Variants in TRAF5 observed in about 807,000 individuals in gnomAD.
TRAF5 encodes the protein TNF receptor-associated factor 5.
Under a neutral mutation model 64.5 loss-of-function variants are expected in TRAF5, and 48 were observed. The observed-to-expected ratio is 0.74, with a 90% confidence interval of 0.59 to 0.95. The LOEUF is 0.95. Among genes scored for constraint, TRAF5 ranks in the 40% least tolerant of loss-of-function variants. The probability of loss-of-function intolerance (pLI) is 0.00; values close to 1 mark genes in which losing one functional copy is unlikely to be tolerated. For synonymous variants in TRAF5, 206 were observed against 240.5 expected, an observed-to-expected ratio of 0.86 and a Z score of 1.33; for missense variants, 545 against 662.8, an observed-to-expected ratio of 0.82 and a Z score of 1.95.
At chr1:211,366,439 G>A (rs1703355286) in intron 8 of TRAF5, among the ~76,000 whole-genome samples, 1 of 152,188 alleles carries the variant, frequency 6.6e-6, no homozygotes, top group Non-Finnish European at 1.5e-5. Flanking sequence ...GGGACACTGA[G>A]CCAAGGAAGA....
chr1:211,359,791 T>G, intron 4 of TRAF5, 121 bp from the exon 5 acceptor site: 3 of 1,170,264 alleles, frequency 2.6e-6, no homozygotes, highest in Non-Finnish European at 3.7e-6. Flanking sequence ...TGCCTTGCCC[T>G]GTGCAAGCCT....
At chr1:211,337,407 A>G (rs1702331461) in intron 1 of TRAF5, among the ~76,000 whole-genome samples, 1 of 152,198 alleles carries the variant, frequency 6.6e-6, no homozygotes, top group African/African-American at 2.4e-5. Flanking sequence ...ACAAGGGGGA[A>G]GGCACTAGGA....
intron 4 of TRAF5, chr1:211,359,401 T>A (rs1310501738): frequency 6.6e-6 from 1 of 152,414 alleles, no homozygotes; most frequent in East Asian, 1.9e-4. Context: ...TCTTTTCATC[T>A]TCTTAATCCT....
At position 211,360,085 on chromosome 1, in the gene TRAF5, C is replaced by T. The variant is rs780790350; in HGVS notation, c.543+9C>T. The T allele has an allele frequency of 2.5e-6, 4 of 1,612,992 alleles. No homozygotes were observed. In the Admixed American group the frequency reaches 6.7e-5, roughly 27 times the overall value. On this transcript the variant is annotated intron_variant, in intron 5 of 10. Transcript: ENST00000261464. Reference sequence around the variant, plus strand: ...TAGTCATCAATCTACAGGTGAAAAACAACACATACAACAGTCATCTTTATG... The same window carrying T: ...TAGTCATCAATCTACAGGTGAAAAATAACACATACAACAGTCATCTTTATG...
chr1:211,349,604 G>T (rs186139968), intron 1 of TRAF5, among the ~76,000 whole-genome samples: 5 of 152,120 alleles, frequency 3.3e-5, no homozygotes, highest in Non-Finnish European at 5.9e-5. Flanking sequence ...ACGAATTTTG[G>T]GGGGGACACA....
At chr1:211,338,042 G>A (rs145638857) in intron 1 of TRAF5, among the ~76,000 whole-genome samples, 1 of 152,292 alleles carries the variant, frequency 6.6e-6, no homozygotes, top group Non-Finnish European at 1.5e-5. Flanking sequence ...ATAGAAGAGA[G>A]CAGGTCCAGC....
At chr1:211,356,537 G>A in intron 4 of TRAF5, 69 bp downstream of exon 4, 2 of 1,356,042 alleles carry the variant, frequency 1.5e-6, no homozygotes, top group Non-Finnish European at 2.1e-6. Context: ...ACCCCTTTAT[G>A]TGACAGTTAC....
chr1:211,329,496 C>T (rs1287719225), intron 1 of TRAF5, among the ~76,000 whole-genome samples: 7 of 152,212 alleles, frequency 4.6e-5, no homozygotes, highest in Admixed American at 2.0e-4. Flanking sequence ...AGCTGAGGCT[C>T]AGAAGTGATT....
chr1:211,360,999 C>T (rs1703159785), intron 6 of TRAF5, 89 bp from the exon 7 acceptor site: 3 of 1,367,808 alleles, frequency 2.2e-6, no homozygotes, highest in Non-Finnish European at 3.1e-6. Context: ...TGGTCCTTGC[C>T]TTCTTCCCAA....
intron 1 of TRAF5, among the ~76,000 whole-genome samples, chr1:211,334,351 A>G (rs1469572416): frequency 1.3e-5 from 2 of 152,174 alleles, no homozygotes; most frequent in Non-Finnish European, 2.9e-5. Context: ...CCAGAAGAAA[A>G]ACAGGTGTTC....
In TRAF5 at chr1:211,356,469, G is replaced by T. The variant is rs750952367; in HGVS notation, c.378+1G>T. 8.1e-6 allele frequency: 13 copies of T among 1,613,798 alleles called. No individual in the cohort carries two copies. The highest frequency in any genetic ancestry group is 1.1e-5 in the Non-Finnish European group (13 of 1,179,726). On this transcript the variant is annotated splice_donor_variant, in intron 4 of 10. Transcript: ENST00000261464. LOFTEE classifies it high-confidence loss of function. ...CAAGGTTATTCTGGGCCGGTACCAG[G>T]TTGGTATTACTCATGAACGATATCT...
intron 7 of TRAF5, among the ~76,000 whole-genome samples, chr1:211,364,331 C>A (rs1703278889): frequency 6.6e-6 from 1 of 152,176 alleles, no homozygotes; most frequent in Non-Finnish European, 1.5e-5. Context: ...GGCAGCCAGT[C>A]CGTGATTGGA....
At chr1:211,365,114 A>C (rs889676456) in intron 7 of TRAF5, among the ~76,000 whole-genome samples, 2 of 152,024 alleles carry the variant, frequency 1.3e-5, no homozygotes, top group African/African-American at 4.8e-5. Context: ...CAGAGTCTGC[A>C]GTGAGCCAAG....
chr1:211,369,267 T>G, intron 8 of TRAF5, 185 bp from the exon 9 acceptor site: 3 of 509,218 alleles, frequency 5.9e-6, no homozygotes, highest in Non-Finnish European at 9.4e-6. Flanking sequence ...ATGTGGCTTT[T>G]TGGAACCACC....
intron 1 of TRAF5, among the ~76,000 whole-genome samples, chr1:211,351,475 C>T (rs888518054): frequency 2.0e-5 from 3 of 151,958 alleles, no homozygotes; most frequent in African/African-American, 4.8e-5. Context: ...TACAAACATT[C>T]GATCTACCGC....
chr1:211,340,352 C>A (rs1702413392), intron 1 of TRAF5, among the ~76,000 whole-genome samples: 1 of 152,066 alleles, frequency 6.6e-6, no homozygotes, highest in Non-Finnish European at 1.5e-5. Flanking sequence ...TGGCACAATC[C>A]CGGCTCACTG....
At chr1:211,331,133 C>T (rs891596882) in intron 1 of TRAF5, among the ~76,000 whole-genome samples, 6 of 152,210 alleles carry the variant, frequency 3.9e-5, no homozygotes, top group Non-Finnish European at 7.3e-5. Flanking sequence ...CCTGATCTGT[C>T]TATTCCCAGT....
intron 1 of TRAF5, among the ~76,000 whole-genome samples, chr1:211,330,452 G>T (rs1487654198): frequency 6.6e-6 from 1 of 150,830 alleles, no homozygotes; most frequent in Non-Finnish European, 1.5e-5. Flanking sequence ...TCCCAAGTCA[G>T]CTCTCTCCTC....
chr1:211,355,406 T>G (rs147832615), intron 3 of TRAF5, among the ~76,000 whole-genome samples: 221 of 152,302 alleles, frequency 1.5e-3, no homozygotes, highest in African/African-American at 5.0e-3. Flanking sequence ...CGATTGTCTG[T>G]TCCATTGTCA....
Sources: allele counts gnomAD v4.1 joint callset (sites outside exome capture counted in the v4.1 genomes callset), GRCh38; gene constraint gnomAD v4.1.1; transcripts MANE v1.5; gene names NCBI Gene and HGNC (gene_info 2026-07-23, HGNC 2026-07-21).